The following KSR2 variants were observed in gnomAD, a reference collection of about 807,000 sequenced individuals.
The protein encoded by KSR2 is kinase suppressor of ras 2.
Under a neutral mutation model 107.8 loss-of-function variants are expected in KSR2, and 25 were observed. The observed-to-expected ratio is 0.23, with a 90% CI of 0.17 to 0.32. The LOEUF is 0.32. Among genes scored for constraint, KSR2 ranks in the 10% least tolerant of loss-of-function variants. The pLI, the probability that KSR2 is intolerant of heterozygous loss-of-function variation, is 1.00. For missense variants in KSR2, 887 were observed against 1,268.9 expected, an observed-to-expected ratio of 0.70 and a Z score of 4.57; for synonymous variants, 480 against 507.0, an observed-to-expected ratio of 0.95 and a Z score of 0.71.
chr12:117,482,900 T>C (rs1274114344), intron 16 of KSR2, among the ~76,000 whole-genome samples: 3 of 152,210 alleles, frequency 2.0e-5, no homozygotes, highest in East Asian at 3.9e-4. Flanking sequence ...TCCTTTTGTC[T>C]TGATGCAAAT....
intron 1 of KSR2, among the ~76,000 whole-genome samples, chr12:117,948,724 T>C (rs1365830972): frequency 6.6e-6 from 1 of 152,184 alleles, no homozygotes; most frequent in Non-Finnish European, 1.5e-5. Flanking sequence ...AAAAATGAAT[T>C]TCAATTTAAA....
chr12:117,852,382 C>T (rs528686227), intron 3 of KSR2, among the ~76,000 whole-genome samples: 3 of 151,962 alleles, frequency 2.0e-5, no homozygotes, highest in Admixed American at 6.6e-5. Context: ...GAGCCGAGGT[C>T]GCACCACTGC....
chr12:117,523,581 A>G (rs1324628898), intron 14 of KSR2, among the ~76,000 whole-genome samples: 2 of 152,238 alleles, frequency 1.3e-5, no homozygotes, highest in Non-Finnish European at 2.9e-5. Context: ...TTAGTTCTCT[A>G]TGAACTATCC....
At position 117,961,783 on chromosome 12, in the gene KSR2, C is replaced by A. The variant is rs117136672; in HGVS notation, c.180+6293G>T. On this transcript the variant is annotated intron_variant, in intron 1 of 19. Transcript: ENST00000339824. ...TGTCTTAAGCCCAAAGTTTTCCAAA[C>A]GAAATTAAGTTTAAAGATAGTTCAT... is the stretch of plus-strand genomic sequence containing the variant. Among the ~76,000 whole-genome samples, 443 of 152,028 alleles carry A rather than the reference C, an allele frequency of 2.9e-3. 6 individuals carry two copies. The East Asian group carries it at 0.05, about 17-fold the overall frequency.
intron 5 of KSR2, among the ~76,000 whole-genome samples, chr12:117,654,373 T>C (rs1884039231): frequency 6.6e-6 from 1 of 152,244 alleles, no homozygotes; most frequent in South Asian, 2.1e-4. Context: ...CCTACACCGA[T>C]GGCCTCATGG....
rs1327369337 is a variant in KSR2 at position 117,890,650 on chromosome 12, AT to A, written c.181-30220del. On this transcript the variant is annotated intron_variant, in intron 1 of 19. Coordinates refer to ENST00000339824, the MANE Select transcript of KSR2 (RefSeq NM_173598.6). The stretch of plus-strand genomic sequence containing the variant: ...ATTTACTTAATGGGAAGACCTATGC[AT>A]TTGGCAGATCCATTTGATTGCATTT... 2.0e-5 allele frequency: 3 copies of A among 152,228 alleles called. No homozygotes were observed. The East Asian group carries it at 5.8e-4, about 29-fold the overall frequency. 9.4% of individuals were successfully genotyped at this position (152,228 alleles called of 1,614,324 possible). A position where few individuals can be genotyped will look rare whatever the true frequency, so the allele number is the denominator to read the frequency against.
chr12:117,833,529 A>G (rs1403288873), intron 3 of KSR2, among the ~76,000 whole-genome samples: 1 of 151,998 alleles, frequency 6.6e-6, no homozygotes, highest in African/African-American at 2.4e-5. Flanking sequence ...AGCCCAGCTG[A>G]TTTTTTTATT....
At chr12:117,626,105 T>C (rs1022244617) in intron 5 of KSR2, among the ~76,000 whole-genome samples, 2 of 152,188 alleles carry the variant, frequency 1.3e-5, no homozygotes, top group African/African-American at 2.4e-5. Flanking sequence ...TTCTTCTTTA[T>C]TAGTCTTGCT....
At chr12:117,606,590 T>TCCC (rs746193094) in intron 5 of KSR2, among the ~76,000 whole-genome samples, 23 of 15,730 alleles carry the variant, frequency 1.5e-3, no homozygotes, top group Non-Finnish European at 3.7e-3. Context: ...CCCTTCTTCC[T>TCCC]TCCTTCTTTC....
At chr12:117,753,668 A>T (rs1295703559) in intron 4 of KSR2, among the ~76,000 whole-genome samples, 1 of 152,138 alleles carries the variant, frequency 6.6e-6, no homozygotes, top group Non-Finnish European at 1.5e-5. Context: ...TCCGGAGGGT[A>T]GACGGTGGGA....
At chr12:117,728,776 G>A (rs909490285) in intron 4 of KSR2, among the ~76,000 whole-genome samples, 2 of 152,200 alleles carry the variant, frequency 1.3e-5, no homozygotes, top group Non-Finnish European at 2.9e-5. Flanking sequence ...AGTGGCCTTA[G>A]ACAAAAGTCC....
chr12:117,957,696 G>A (rs566781893), intron 1 of KSR2, among the ~76,000 whole-genome samples: 3 of 151,852 alleles, frequency 2.0e-5, no homozygotes, highest in Non-Finnish European at 4.4e-5. Context: ...AAACCCAGAG[G>A]GAGGAGTGAA....
chr12:117,745,688 T>A (rs1888381412), intron 4 of KSR2, among the ~76,000 whole-genome samples: 1 of 152,126 alleles, frequency 6.6e-6, no homozygotes, highest in Non-Finnish European at 1.5e-5. Flanking sequence ...AACCCTATCA[T>A]CTCAGCCCCA....
At chr12:117,920,017 C>T (rs533809723) in intron 1 of KSR2, among the ~76,000 whole-genome samples, 1 of 152,296 alleles carries the variant, frequency 6.6e-6, no homozygotes, top group South Asian at 2.1e-4. Context: ...ATGTACCTAA[C>T]AACAGAACCC....
intron 19 of KSR2, 125 bp downstream of exon 19, chr12:117,469,537 C>T (rs559916523): frequency 9.5e-6 from 11 of 1,161,668 alleles, no homozygotes; most frequent in African/African-American, 3.1e-5. Flanking sequence ...GAGTGGTTGC[C>T]GAAGGGTGGG....
At chr12:117,775,928 A>G (rs1003765984) in intron 3 of KSR2, among the ~76,000 whole-genome samples, 6 of 152,140 alleles carry the variant, frequency 3.9e-5, no homozygotes, top group Admixed American at 3.9e-4. Context: ...GACTTTGGGA[A>G]CCCAGCGGGG....
chr12:117,685,382 G>T (rs1885528658), intron 4 of KSR2, among the ~76,000 whole-genome samples: 1 of 152,248 alleles, frequency 6.6e-6, no homozygotes, highest in South Asian at 2.1e-4. Flanking sequence ...TTTGGGCAGA[G>T]ATTTCACGGC....
chr12:117,965,945 C>T (rs533559432), intron 1 of KSR2, among the ~76,000 whole-genome samples: 42 of 152,316 alleles, frequency 2.8e-4, no homozygotes, highest in African/African-American at 9.6e-4. Flanking sequence ...CCTAACCCTG[C>T]AAATCTGGGA....
intron 4 of KSR2, among the ~76,000 whole-genome samples, chr12:117,688,257 G>T (rs1258981747): frequency 1.3e-5 from 2 of 152,184 alleles, no homozygotes; most frequent in African/African-American, 4.8e-5. Context: ...GTGGGTGCCT[G>T]CAATCCCAGC....
Sources: gnomAD v4.1 joint callset for allele counts (sites outside exome capture counted in the v4.1 genomes callset) on GRCh38, gnomAD v4.1.1 for gene constraint, MANE v1.5 for transcripts, NCBI Gene and HGNC (gene_info 2026-07-23, HGNC 2026-07-21) for gene names.